Variants in FANCM observed in about 807,000 individuals in gnomAD.
FANCM encodes the protein Fanconi anemia group M protein.
In FANCM, 140 loss-of-function variants were observed where a neutral mutation model predicts 199.5. The ratio of observed to expected loss-of-function variants is 0.70; its 90% CI spans 0.61 to 0.81. The LOEUF (loss-of-function observed/expected upper bound fraction) is 0.81. Among genes scored for constraint, FANCM ranks in the 30% least tolerant of loss-of-function variants. The pLI is 0.00. For synonymous variants in FANCM, 840 were observed against 836.8 expected, an observed-to-expected ratio of 1.00 and a Z score of -0.07; for missense variants, 2,410 against 2,421.4, an observed-to-expected ratio of 1.00 and a Z score of 0.10.
In FANCM at chr14:45,136,420, G is replaced by C. The variant is rs751804045; in HGVS notation, c.389G>C (p.Arg130Pro). 1.9e-6 allele frequency: 3 copies of C among 1,614,018 alleles called. No individual in the cohort carries two copies. Among genetic ancestry groups the C allele is most frequent in the Non-Finnish European group, 2.5e-6 (3 of 1,180,044 alleles). ...IAAVVMYNFY[R>P]WFPSGKVVFM... is the part of the protein sequence containing the mutation. ...GCCGTGGTCATGTACAATTTCTACC[G>C]CTGGTTCCCTTCAGGAAAGGTGGTC... Residue 130 changes from arginine (R) to proline (P), a missense_variant, in exon 1 of 23, where the codon CGC becomes CCC. Coordinates refer to ENST00000267430, the MANE Select transcript of FANCM (RefSeq NM_020937.4).
chr14:45,147,258 G>A (rs145092303), intron 3 of FANCM, among the ~76,000 whole-genome samples: 5 of 150,040 alleles, frequency 3.3e-5, no homozygotes, highest in African/African-American at 9.8e-5. Flanking sequence ...GCTGTTCCCC[G>A]CCCCCCCCAA....
Position 45,181,467 on chromosome 14 carries a change from C to A in FANCM, c.4260C>A (p.Asp1420Glu). ...QLLTSNESEDDEIFRRKVKRA... is the reference protein window; with the variant it reads ...QLLTSNESEDEEIFRRKVKRA... The stretch of plus-strand genomic sequence containing the variant: ...TAACAAGTAACGAAAGTGAAGATGA[C>A]GAGATTTTCCGAAGAAAAGTTAAAA... Residue 1420 changes from aspartate to glutamate, a missense_variant, in exon 15 of 23, where the codon GAC becomes GAA. Transcript: ENST00000267430. 6.2e-7 allele frequency: 1 copy of A among 1,606,106 alleles called. No homozygotes were observed. Among genetic ancestry groups the A allele is most frequent in the Non-Finnish European group, 8.5e-7 (1 of 1,173,280 alleles).
At chr14:45,178,991 GAGTTTGAGACC>G (rs1205106737) in intron 14 of FANCM, among the ~76,000 whole-genome samples, 1 of 152,070 alleles carries the variant, frequency 6.6e-6, no homozygotes, top group East Asian at 1.9e-4. Context: ...CTGAGGTCAG[GAGTTTGAGACC>G]AGCCTGGCCA....
chr14:45,137,019 A>T, intron 1 of FANCM, 50 bp from the exon 2 acceptor site: 1 of 1,360,858 alleles, frequency 7.3e-7, no homozygotes. Flanking sequence ...TTTATATTTT[A>T]TAGATAACAG....
chr14:45,140,894 G>C (rs1451266016), intron 3 of FANCM, among the ~76,000 whole-genome samples, 185 bp downstream of exon 3: 1 of 152,048 alleles, frequency 6.6e-6, no homozygotes, highest in Admixed American at 6.6e-5. Context: ...TAAAAAAATA[G>C]TGAGCATGGT....
In FANCM at chr14:45,135,943, C is replaced by A; in HGVS notation, c.-89C>A. ...CGCCTTCTCGTTCCAGAGTTTTGTG[C>A]GAAGGAAACCGATGGGGATCGGAAC... On this transcript the variant is annotated 5_prime_UTR_variant, in exon 1 of 23. Transcript: ENST00000267430. 2.1e-6 allele frequency: 3 copies of A among 1,426,440 alleles called. No individual in the cohort carries two copies. The highest frequency in any genetic ancestry group is 3.0e-6 in the Non-Finnish European group (3 of 1,016,036). 88.4% of individuals were successfully genotyped at this position (1,426,440 alleles called of 1,614,324 possible).
Position 45,167,143 on chromosome 14 carries a change from C to T in FANCM, c.1982C>T (p.Ser661Phe), listed in dbSNP as rs1888040294. 4 of 1,608,464 alleles carry T rather than the reference C, an allele frequency of 2.5e-6. No homozygotes were observed. Among genetic ancestry groups the T allele is most frequent in the Non-Finnish European group, 3.4e-6 (4 of 1,174,986 alleles). Reference sequence around the variant, plus strand: ...TCTCGGAACTTGCAGCGAAAGTCATCTATCTTTTCCTATAGGGATGGTAAA... The same window carrying T: ...TCTCGGAACTTGCAGCGAAAGTCATTTATCTTTTCCTATAGGGATGGTAAA... Reference protein sequence around the residue: ...KPSRNLQRKSSIFSYRDGMRQ... With the variant: ...KPSRNLQRKSFIFSYRDGMRQ... The change falls in exon 11 of 23, where the codon TCT becomes TTT. Residue 661 changes from serine (S) to phenylalanine (F), a missense_variant. Physicochemically the swap from Ser to Phe is radical, Grantham distance 155. Coordinates refer to ENST00000267430, the MANE Select transcript of FANCM (RefSeq NM_020937.4).
intron 9 of FANCM, among the ~76,000 whole-genome samples, chr14:45,160,159 A>G (rs973106446): frequency 2.0e-5 from 3 of 148,030 alleles, no homozygotes. Flanking sequence ...ACGCCTGGCT[A>G]ATTTTTGTAT....
chr14:45,158,304 G>C (rs1386534103), intron 8 of FANCM, among the ~76,000 whole-genome samples: 1 of 152,070 alleles, frequency 6.6e-6, no homozygotes, highest in Non-Finnish European at 1.5e-5. Context: ...ATCCATATTA[G>C]ATATGAAGAA....
chr14:45,178,857 CT>C (rs1888875981), intron 14 of FANCM, among the ~76,000 whole-genome samples: 1 of 152,090 alleles, frequency 6.6e-6, no homozygotes. Context: ...ATAAAATAAG[CT>C]TCTTAGAAGG....
Position 45,175,571 on chromosome 14 carries a change from A to C in FANCM, c.2817A>C (p.Gly939=), listed in dbSNP as rs771565099. ...ATAAATCCACTAGTTCACTTGCTGG[A>C]AATGTTTTAGATTCTGGTTATAACA... ...FTNKSTSSLA[G]NVLDSGYNSF... is the part of the protein sequence containing the mutation. Residue 939 remains glycine, a synonymous_variant, in exon 14 of 23, where the codon GGA becomes GGC. Transcript: ENST00000267430. 3.7e-6 allele frequency: 6 copies of C among 1,613,530 alleles called. No individual in the cohort carries two copies. Among genetic ancestry groups the C allele is most frequent in the Non-Finnish European group, 5.1e-6 (6 of 1,179,722 alleles).
At chr14:45,148,686 T>A (rs1269851437) in intron 3 of FANCM, 151 bp from the exon 4 acceptor site, 3 of 605,814 alleles carry the variant, frequency 5.0e-6, no homozygotes, top group African/African-American at 3.7e-5. Flanking sequence ...GTACTTTTTT[T>A]ATAGGCTTAT....
chr14:45,198,568 ATAAAATAAAG>A, intron 21 of FANCM, 66 bp from the exon 22 acceptor site: 2 of 904,510 alleles, frequency 2.2e-6, no homozygotes, highest in East Asian at 3.0e-5. Flanking sequence ...TGGGATTTTA[ATAAAATAAAG>A]TATATTAATA....
intron 6 of FANCM, 28 bp from the exon 7 acceptor site, chr14:45,154,669 T>C (rs773232707): frequency 1.5e-5 from 22 of 1,459,166 alleles, no homozygotes; most frequent in Admixed American, 5.3e-5. Context: ...TTATTATTTA[T>C]TTGAAAACCT....
At chr14:45,189,882 C>T (rs1406161323) in intron 20 of FANCM, among the ~76,000 whole-genome samples, 1 of 151,300 alleles carries the variant, frequency 6.6e-6, no homozygotes, top group Non-Finnish European at 1.5e-5. Flanking sequence ...GTAGGAGAAT[C>T]GCTTAAATCC....
chr14:45,180,369 G>T (rs113532821), intron 14 of FANCM, among the ~76,000 whole-genome samples: 21 of 152,098 alleles, frequency 1.4e-4, no homozygotes, highest in Non-Finnish European at 2.6e-4. Flanking sequence ...ACTGCTGTTA[G>T]TAGGAGACCT....
intron 3 of FANCM, among the ~76,000 whole-genome samples, chr14:45,144,349 C>T (rs112180525): frequency 0.019 from 2,577 of 134,462 alleles, 84 homozygotes; most frequent in African/African-American, 0.073. Flanking sequence ...CCTCTGTAAT[C>T]ATCCTTCTAC....
rs757444864 is a variant in FANCM at position 45,189,132 on chromosome 14, T to C, written c.5110T>C (p.Cys1704Arg). 2 of 1,614,168 alleles carry C rather than the reference T, an allele frequency of 1.2e-6. No individual in the cohort carries two copies. Among genetic ancestry groups the C allele is most frequent in the East Asian group, 2.2e-5 (1 of 44,882 alleles). Reference protein sequence around the residue: ...TVKKNKQQDHCLNSVPSGSSA... With the variant: ...TVKKNKQQDHRLNSVPSGSSA... Reference sequence around the variant, plus strand: ...TAAGAAGAACAAACAACAGGACCATTGTTTAAATTCAGTGCCTTCTGGATC... The same window carrying C: ...TAAGAAGAACAAACAACAGGACCATCGTTTAAATTCAGTGCCTTCTGGATC... The change falls in exon 20 of 23, where the codon TGT becomes CGT. Residue 1704 changes from cysteine (C) to arginine (R), a missense_variant. By Grantham distance (180) the Cys-to-Arg change is radical. Coordinates refer to ENST00000267430, the MANE Select transcript of FANCM (RefSeq NM_020937.4).
Position 45,164,527 on chromosome 14 carries a change from A to C in FANCM, c.1750A>C (p.Arg584=). The part of the protein sequence containing the change: ...MGRTGRKRQG[R]IVIILSEGRE... ...TAGAACTGGCCGTAAACGTCAAGGCAGGATAGTTATTATCCTTTCTGAAGG... is the reference window on the plus strand; with the variant it reads ...TAGAACTGGCCGTAAACGTCAAGGCCGGATAGTTATTATCCTTTCTGAAGG... Residue 584 remains arginine (R), a synonymous_variant, in exon 10 of 23, where the codon AGG becomes CGG. Coordinates refer to ENST00000267430, the MANE Select transcript of FANCM (RefSeq NM_020937.4). The C allele has an allele frequency of 6.2e-7, 1 of 1,613,588 alleles. No individual in the cohort carries two copies. Among genetic ancestry groups the C allele is most frequent in the Non-Finnish European group, 8.5e-7 (1 of 1,179,982 alleles).
Sources: allele counts gnomAD v4.1 joint callset (sites outside exome capture counted in the v4.1 genomes callset), GRCh38; gene constraint gnomAD v4.1.1; transcripts MANE v1.5; gene names NCBI Gene and HGNC (gene_info 2026-07-23, HGNC 2026-07-21).